The following KIAA1328 variants were observed in gnomAD, a reference collection of about 807,000 sequenced individuals.
The protein encoded by KIAA1328 is KIAA1328, also known as protein hinderin.
In KIAA1328, 52 loss-of-function variants were observed where a neutral mutation model predicts 68.1. The ratio of observed to expected loss-of-function variants is 0.76; its 90% CI spans 0.61 to 0.96. The LOEUF (loss-of-function observed/expected upper bound fraction) is 0.96, where lower values mean the gene tolerates loss of function less well. Among genes scored for constraint, KIAA1328 ranks in the 40% least tolerant of loss-of-function variants. KIAA1328 has a pLI of 0.00. For missense variants in KIAA1328, 641 were observed against 677.6 expected, an observed-to-expected ratio of 0.95 and a Z score of 0.60; for synonymous variants, 232 against 239.4, an observed-to-expected ratio of 0.97 and a Z score of 0.28.
At chr18:36,935,572 T>C (rs2050468578) in intron 5 of KIAA1328, among the ~76,000 whole-genome samples, 1 of 152,228 alleles carries the variant, frequency 6.6e-6, no homozygotes, top group Non-Finnish European at 1.5e-5. Context: ...TATTAGTCTT[T>C]GTTTCACTCT....
intron 7 of KIAA1328, among the ~76,000 whole-genome samples, chr18:37,129,566 G>C (rs1170696896): frequency 2.6e-5 from 4 of 152,198 alleles, no homozygotes; most frequent in African/African-American, 9.6e-5. Flanking sequence ...AATTGAAGGA[G>C]TATAGGAATA....
chr18:37,058,009 A>G (rs1302883579), intron 6 of KIAA1328, among the ~76,000 whole-genome samples: 1 of 152,198 alleles, frequency 6.6e-6, no homozygotes, highest in African/African-American at 2.4e-5. Flanking sequence ...AGAGAGGCAG[A>G]TTTATTAGAG....
chr18:37,229,670 C>T (rs1475597870), downstream of KIAA1328: 11 of 578,382 alleles, frequency 1.9e-5, no homozygotes, highest in Admixed American at 2.7e-4. Flanking sequence ...GTCAGGAGAT[C>T]GAGACCATCC....
intron 5 of KIAA1328, among the ~76,000 whole-genome samples, chr18:36,946,937 G>A (rs890145363): frequency 2.6e-5 from 4 of 152,148 alleles, no homozygotes; most frequent in African/African-American, 9.7e-5. Flanking sequence ...CTGTATATGA[G>A]GAACACTTGA....
chr18:36,862,853 C>T (rs1222643062), intron 4 of KIAA1328, among the ~76,000 whole-genome samples: 2 of 152,252 alleles, frequency 1.3e-5, no homozygotes, highest in African/African-American at 4.8e-5. Flanking sequence ...TCTAGTCATT[C>T]TGGTAGGTGC....
intron 6 of KIAA1328, among the ~76,000 whole-genome samples, chr18:36,982,192 A>C (rs2052723152): frequency 6.8e-6 from 1 of 146,818 alleles, no homozygotes; most frequent in African/African-American, 2.5e-5. Flanking sequence ...GAGTTCCTGA[A>C]GGAGAGTTGT....
At chr18:36,904,394 T>G (rs2151043309) in intron 5 of KIAA1328, among the ~76,000 whole-genome samples, 1 of 152,226 alleles carries the variant, frequency 6.6e-6, no homozygotes, top group South Asian at 2.1e-4. Flanking sequence ...CTTCTTATAT[T>G]TTGAAATTCC....
At chr18:36,952,216 T>G (rs2051188797) in intron 5 of KIAA1328, among the ~76,000 whole-genome samples, 1 of 152,218 alleles carries the variant, frequency 6.6e-6, no homozygotes, top group South Asian at 2.1e-4. Context: ...ATCTATATAC[T>G]TCTTTTCCAA....
intron 3 of KIAA1328, among the ~76,000 whole-genome samples, chr18:36,842,967 A>T (rs2046909287): frequency 1.3e-5 from 2 of 152,122 alleles, no homozygotes; most frequent in Admixed American, 1.3e-4. Context: ...AATTGAAATT[A>T]AAATCAAATG....
At chr18:36,839,658 G>A (rs536117787) in intron 3 of KIAA1328, among the ~76,000 whole-genome samples, 1 of 152,108 alleles carries the variant, frequency 6.6e-6, no homozygotes, top group African/African-American at 2.4e-5. Flanking sequence ...TGCCTTTTTG[G>A]GTTCTGAGAC....
intron 4 of KIAA1328, among the ~76,000 whole-genome samples, chr18:36,849,407 C>G (rs973285598): frequency 5.9e-5 from 9 of 151,982 alleles, no homozygotes; most frequent in Non-Finnish European, 1.3e-4. Flanking sequence ...TATCTGTTCA[C>G]CAGTTACTCC....
chr18:36,877,488 C>G (rs927730659), intron 4 of KIAA1328, among the ~76,000 whole-genome samples: 2 of 149,218 alleles, frequency 1.3e-5, no homozygotes, highest in Non-Finnish European at 3.0e-5. Context: ...AATAGGATTG[C>G]AACCCCTGGT....
intron 6 of KIAA1328, among the ~76,000 whole-genome samples, chr18:36,991,782 G>A (rs1038732188): frequency 2.6e-5 from 4 of 152,108 alleles, no homozygotes; most frequent in Admixed American, 6.6e-5. Context: ...CTCGTGTAGC[G>A]TCTTCACATG....
intron 6 of KIAA1328, among the ~76,000 whole-genome samples, chr18:37,057,737 C>T (rs1433416353): frequency 3.9e-5 from 6 of 152,022 alleles, no homozygotes; most frequent in African/African-American, 1.4e-4. Context: ...GCCTGGCCTG[C>T]ATGAAATTTA....
chr18:37,121,485 T>C (rs1026672660), intron 7 of KIAA1328, among the ~76,000 whole-genome samples: 8 of 152,102 alleles, frequency 5.3e-5, no homozygotes, highest in African/African-American at 1.9e-4. Context: ...TATCTATCCA[T>C]CTATCGTTAC....
chr18:37,196,994 T>C (rs1317758252), intron 9 of KIAA1328, among the ~76,000 whole-genome samples: 6 of 152,038 alleles, frequency 3.9e-5, no homozygotes, highest in Admixed American at 2.0e-4. Context: ...AGGTTTTCTA[T>C]AAATGGTTTA....
At chr18:37,091,295 G>A (rs555398106) in intron 7 of KIAA1328, among the ~76,000 whole-genome samples, 81 of 152,276 alleles carry the variant, frequency 5.3e-4, no homozygotes, top group South Asian at 1.2e-3. Flanking sequence ...GGCACAGAAG[G>A]AGAGAGAAGC....
Position 36,976,002 on chromosome 18 carries a change from T to C in KIAA1328, c.576+16567T>C, listed in dbSNP as rs187425632. On this transcript the variant is annotated intron_variant, in intron 6 of 9. Coordinates refer to ENST00000280020, the MANE Select transcript of KIAA1328 (RefSeq NM_020776.3). ...GATATAAACAAAACAGAGAAAGACA[T>C]AGAAATCAATTGCAATCAAACTACC... Among the ~76,000 whole-genome samples, 9 of 152,268 alleles carry C rather than the reference T, an allele frequency of 5.9e-5. No homozygotes were observed. The East Asian group carries it at 1.7e-3, about 29-fold the overall frequency.
At chr18:36,887,271 C>T (rs2048533049) in intron 5 of KIAA1328, among the ~76,000 whole-genome samples, 1 of 152,090 alleles carries the variant, frequency 6.6e-6, no homozygotes, top group Non-Finnish European at 1.5e-5. Flanking sequence ...GTTTTATTTA[C>T]TCTTCTACTT....
Sources: allele counts gnomAD v4.1 joint callset (sites outside exome capture counted in the v4.1 genomes callset), GRCh38; gene constraint gnomAD v4.1.1; transcripts MANE v1.5; gene names NCBI Gene and HGNC (gene_info 2026-07-23, HGNC 2026-07-21).